Variants in SEMA3A observed in about 807,000 individuals in gnomAD.
SEMA3A encodes the protein semaphorin-3A.
SEMA3A carries 29 observed loss-of-function variants against 97.9 expected under a neutral mutation model. That is an observed-to-expected ratio of 0.30 (90% CI 0.22 to 0.40). SEMA3A has a LOEUF of 0.40. Ranked by LOEUF, SEMA3A falls within the 10% of genes least tolerant of loss-of-function variation. The probability of loss-of-function intolerance (pLI) is 1.00; values close to 1 mark genes in which losing one functional copy is unlikely to be tolerated. For synonymous variants in SEMA3A, 321 were observed against 323.7 expected, an observed-to-expected ratio of 0.99 and a Z score of 0.09; for missense variants, 763 against 951.3, an observed-to-expected ratio of 0.80 and a Z score of 2.60.
intron 1 of SEMA3A, among the ~76,000 whole-genome samples, chr7:84,384,738 T>A (rs1230710758): frequency 6.6e-6 from 1 of 152,122 alleles, no homozygotes; most frequent in African/African-American, 2.4e-5. Context: ...TCCCTTGAAA[T>A]TTACACTCAT....
chr7:84,359,386 A>G (rs368899313), intron 2 of SEMA3A, among the ~76,000 whole-genome samples: 99 of 152,126 alleles, frequency 6.5e-4, no homozygotes, highest in Middle Eastern at 3.4e-3. Flanking sequence ...TTCTGCATCT[A>G]TTGAGATAAT....
intron 1 of SEMA3A, among the ~76,000 whole-genome samples, chr7:84,183,114 T>G (rs1424889480): frequency 6.6e-6 from 1 of 152,190 alleles, no homozygotes; most frequent in Non-Finnish European, 1.5e-5. Flanking sequence ...CAAGCACTGG[T>G]TGGGCACTTT....
intron 14 of SEMA3A, among the ~76,000 whole-genome samples, chr7:83,979,023 CTTAT>C (rs1395605356): frequency 6.6e-6 from 1 of 151,798 alleles, no homozygotes; most frequent in Non-Finnish European, 1.5e-5. Context: ...TATCTCTTTC[CTTAT>C]TAAGAAGAGC....
In SEMA3A at chr7:84,280,718, T is replaced by G. The variant is rs537513669; in HGVS notation, c.-83+26489A>C. ...ATTCCTTGAACCCGGGAGGCGGAGGTTGTAGTGACTTGAGATCGCCACTGC... is the reference window on the plus strand; with the variant it reads ...ATTCCTTGAACCCGGGAGGCGGAGGGTGTAGTGACTTGAGATCGCCACTGC... On this transcript the variant is annotated intron_variant, in intron 3 of 3. Coordinates refer to the SEMA3A transcript ENST00000424555. 1.1e-4 allele frequency among the ~76,000 whole-genome samples: 17 copies of G among 151,980 alleles called. No homozygotes were observed. In the East Asian group the frequency reaches 3.3e-3, roughly 29 times the overall value.
intron 3 of SEMA3A, among the ~76,000 whole-genome samples, chr7:84,287,767 G>C (rs1800627605): frequency 6.6e-6 from 1 of 151,992 alleles, no homozygotes; most frequent in African/African-American, 2.4e-5. Flanking sequence ...AATGCTGTTC[G>C]TTTACAACTG....
chr7:84,473,682 C>T (rs1203159966), intron 1 of SEMA3A, among the ~76,000 whole-genome samples: 1 of 152,154 alleles, frequency 6.6e-6, no homozygotes, highest in Middle Eastern at 3.4e-3. Context: ...AGCCACTGCT[C>T]CTGGCCTAAA....
intron 6 of SEMA3A, among the ~76,000 whole-genome samples, chr7:84,044,055 C>G (rs764885619): frequency 4.6e-5 from 7 of 151,940 alleles, no homozygotes; most frequent in African/African-American, 7.2e-5. Flanking sequence ...ACAGAGAAAG[C>G]CTTTATGCCC....
chr7:84,312,872 TTATATATATATATATATATA>T (rs377261705), intron 2 of SEMA3A, among the ~76,000 whole-genome samples: 533 of 48,816 alleles, frequency 0.011, 22 homozygotes, highest in Non-Finnish European at 0.015. Flanking sequence ...TGGTGTTGTT[TTATATATATATATATATATA>T]TATATATATA....
chr7:84,100,526 G>A (rs902524900), intron 4 of SEMA3A, among the ~76,000 whole-genome samples: 3 of 152,154 alleles, frequency 2.0e-5, no homozygotes, highest in Middle Eastern at 3.4e-3. Context: ...TTAAAGTACA[G>A]GATATATATT....
intron 12 of SEMA3A, among the ~76,000 whole-genome samples, chr7:83,988,065 C>T (rs2116336971): frequency 6.6e-6 from 1 of 152,242 alleles, no homozygotes; most frequent in African/African-American, 2.4e-5. Flanking sequence ...CCCATTATGC[C>T]TTGGAATTCT....
At chr7:84,379,581 A>G (rs564202996) in intron 1 of SEMA3A, among the ~76,000 whole-genome samples, 2 of 152,286 alleles carry the variant, frequency 1.3e-5, no homozygotes, top group South Asian at 2.1e-4. Context: ...GTATCTATTT[A>G]TAAGAACAAA....
intron 3 of SEMA3A, among the ~76,000 whole-genome samples, chr7:84,303,841 C>T (rs578118094): frequency 6.6e-6 from 1 of 152,208 alleles, no homozygotes; most frequent in African/African-American, 2.4e-5. Flanking sequence ...GGCTGTGCTG[C>T]CATGTTTGGT....
At chr7:84,024,938 G>A (rs1791494326) in intron 6 of SEMA3A, among the ~76,000 whole-genome samples, 1 of 151,840 alleles carries the variant, frequency 6.6e-6, no homozygotes, top group Non-Finnish European at 1.5e-5. Context: ...AACACAAAAA[G>A]TAGCCGGGCA....
At chr7:84,005,710 G>A in intron 10 of SEMA3A, 152 bp from the exon 11 acceptor site, 1 of 564,886 alleles carries the variant, frequency 1.8e-6, no homozygotes, top group Non-Finnish European at 3.0e-6. Flanking sequence ...CACTTTGAGA[G>A]GCCGATGCGG....
intron 14 of SEMA3A, among the ~76,000 whole-genome samples, chr7:83,977,902 C>A (rs931590144): frequency 2.0e-5 from 3 of 150,856 alleles, no homozygotes; most frequent in African/African-American, 7.3e-5. Flanking sequence ...CTCCCGGGTT[C>A]ATGCCATTCT....
At chr7:84,112,490 G>T (rs1795303895) in intron 3 of SEMA3A, among the ~76,000 whole-genome samples, 1 of 152,082 alleles carries the variant, frequency 6.6e-6, no homozygotes, top group South Asian at 2.1e-4. Context: ...TGCCTCCTTA[G>T]AAATATGACA....
chr7:84,225,484 T>C (rs1230477936), intron 3 of SEMA3A, among the ~76,000 whole-genome samples: 1 of 152,110 alleles, frequency 6.6e-6, no homozygotes, highest in African/African-American at 2.4e-5. Flanking sequence ...TGGAGGTTTG[T>C]TGATCTGCCA....
intron 1 of SEMA3A, among the ~76,000 whole-genome samples, chr7:84,143,298 A>C (rs1356594111): frequency 6.6e-6 from 1 of 152,202 alleles, no homozygotes; most frequent in African/African-American, 2.4e-5. Context: ...GAAAAGTATA[A>C]GAGGAAAATA....
intron 2 of SEMA3A, among the ~76,000 whole-genome samples, chr7:84,370,256 A>T (rs183214713): frequency 1.4e-4 from 21 of 151,708 alleles, no homozygotes; most frequent in African/African-American, 2.2e-4. Flanking sequence ...ATTTATAGGG[A>T]TTTAATGTGA....
Sources: gnomAD v4.1 joint callset for allele counts (sites outside exome capture counted in the v4.1 genomes callset) on GRCh38, gnomAD v4.1.1 for gene constraint, MANE v1.5 for transcripts, NCBI Gene and HGNC (gene_info 2026-07-23, HGNC 2026-07-21) for gene names.